Variants in LARGE1 observed in about 807,000 individuals in gnomAD.
LARGE1 encodes the protein xylosyl- and glucuronyltransferase LARGE1.
A neutral mutation model predicts 87.6 loss-of-function variants in LARGE1; 43 were observed. The ratio of observed to expected loss-of-function variants is 0.49; its 90% confidence interval spans 0.38 to 0.63. The LOEUF is 0.63. Among genes scored for constraint, LARGE1 ranks in the 30% least tolerant of loss-of-function variants. LARGE1 has a pLI of 0.00. For synonymous variants in LARGE1, 434 were observed against 394.6 expected (o/e 1.10, Z -1.18); for missense variants, 802 against 1,000.2 (o/e 0.80, Z 2.67).
the LARGE1 span, among the ~76,000 whole-genome samples, chr22:33,088,082 A>G: frequency 3.9e-5 from 6 of 152,162 alleles, no homozygotes; most frequent in African/African-American, 1.2e-4. Flanking sequence ...ACACACACAC[A>G]CACATCATTG....
At chr22:33,381,836 A>C in intron 9 of LARGE1, 83 bp downstream of exon 9, 1 of 1,561,152 alleles carries the variant, frequency 6.4e-7, no homozygotes, top group Non-Finnish European at 8.8e-7. Context: ...ATTGCACATA[A>C]ATCTCCCAGC....
chr22:33,781,243 A>G (rs999059453), intron 1 of LARGE1, among the ~76,000 whole-genome samples: 31 of 152,180 alleles, frequency 2.0e-4, no homozygotes, highest in Non-Finnish European at 1.5e-5. Flanking sequence ...TCACACCTGT[A>G]ATCCCAGCAC....
chr22:33,674,576 C>G (rs1437807161), intron 2 of LARGE1, among the ~76,000 whole-genome samples: 2 of 152,170 alleles, frequency 1.3e-5, no homozygotes, highest in African/African-American at 4.8e-5. Context: ...GCATGGCACT[C>G]CCACTCTCAG....
chr22:33,270,827 G>A (rs1928204422), downstream of LARGE1, among the ~76,000 whole-genome samples: 1 of 152,190 alleles, frequency 6.6e-6, no homozygotes, highest in Non-Finnish European at 1.5e-5. Context: ...GGGGCACAAA[G>A]AGGCTATTAG....
the LARGE1 span, among the ~76,000 whole-genome samples, chr22:33,084,567 T>C: frequency 2.0e-5 from 3 of 150,954 alleles, no homozygotes; most frequent in Non-Finnish European, 4.4e-5. Flanking sequence ...GGTGGGAGGA[T>C]TGCTTGAACC....
chr22:33,253,567 C>T (rs1410727502), intron 11 of LARGE1, among the ~76,000 whole-genome samples: 1 of 152,200 alleles, frequency 6.6e-6, no homozygotes, highest in Non-Finnish European at 1.5e-5. Flanking sequence ...CAAACATTAG[C>T]TGGGTGTGGT....
intron 6 of LARGE1, among the ~76,000 whole-genome samples, chr22:33,493,161 T>TC (rs1289051622): frequency 1.4e-5 from 2 of 145,898 alleles, no homozygotes; most frequent in African/African-American, 2.5e-5. Flanking sequence ...GGCCTTTTTT[T>TC]TTTTTTTTTT....
chr22:33,188,565 A>G (rs1923610068), intron 11 of LARGE1, among the ~76,000 whole-genome samples: 1 of 152,218 alleles, frequency 6.6e-6, no homozygotes, highest in Non-Finnish European at 1.5e-5. Context: ...TAAAGCAACA[A>G]CTAAGGTGGG....
intron 6 of LARGE1, among the ~76,000 whole-genome samples, chr22:33,448,098 G>C (rs933801174): frequency 6.6e-6 from 1 of 152,094 alleles, no homozygotes; most frequent in Admixed American, 6.6e-5. Context: ...ACAGGGAGAG[G>C]GGGGTGTGGA....
intron 7 of LARGE1, among the ~76,000 whole-genome samples, chr22:33,405,664 C>T (rs1488678663): frequency 6.6e-6 from 1 of 152,092 alleles, no homozygotes; most frequent in South Asian, 2.1e-4. Flanking sequence ...GACTTTGCTG[C>T]CGACAAATAG....
At chr22:33,251,700 A>T (rs73885023) in intron 11 of LARGE1, among the ~76,000 whole-genome samples, 2 of 152,194 alleles carry the variant, frequency 1.3e-5, no homozygotes, top group African/African-American at 4.8e-5. Flanking sequence ...TTCAAACCCC[A>T]TTGCAAACCT....
At position 33,263,621 on chromosome 22, in the gene LARGE1, C is replaced by T. The variant is rs574503687; in HGVS notation, c.1730+40608G>A. On this transcript the variant is annotated intron_variant, in intron 11 of 11. Coordinates refer to the LARGE1 transcript ENST00000608642. ...CAGAGGAGAACCACAGCATGGCTGACACCTGCATTCAGCAGCCTTGCAAGA... is the reference window on the plus strand; with the variant it reads ...CAGAGGAGAACCACAGCATGGCTGATACCTGCATTCAGCAGCCTTGCAAGA... 7.9e-5 allele frequency among the ~76,000 whole-genome samples: 12 copies of T among 152,354 alleles called. 1 individual carries two copies. The highest frequency in any genetic ancestry group is 2.9e-4 in the African/African-American group (12 of 41,588).
chr22:33,187,061 A>G (rs1923514591), intron 11 of LARGE1, among the ~76,000 whole-genome samples: 1 of 152,218 alleles, frequency 6.6e-6, no homozygotes, highest in African/African-American at 2.4e-5. Context: ...AAGTACAGCC[A>G]CTATGAGAAA....
intron 11 of LARGE1, among the ~76,000 whole-genome samples, chr22:33,177,293 TTAAAA>T (rs1922928017): frequency 6.6e-6 from 1 of 152,160 alleles, no homozygotes; most frequent in African/African-American, 2.4e-5. Flanking sequence ...ACCCCAGAAC[TTAAAA>T]TATAATAATA....
chr22:33,432,492 A>G (rs963117080), intron 6 of LARGE1, among the ~76,000 whole-genome samples: 12 of 152,324 alleles, frequency 7.9e-5, no homozygotes, highest in African/African-American at 2.9e-4. Context: ...TAGAGAAGAA[A>G]TAGAGGCCCA....
At chr22:33,601,300 T>C (rs765236614) in intron 5 of LARGE1, among the ~76,000 whole-genome samples, 1 of 151,992 alleles carries the variant, frequency 6.6e-6, no homozygotes, top group Non-Finnish European at 1.5e-5. Flanking sequence ...ATGGACTAGG[T>C]AGGTGTAGGG....
chr22:33,284,583 CT>C (rs112371598), intron 12 of LARGE1, among the ~76,000 whole-genome samples: 103 of 144,168 alleles, frequency 7.1e-4, no homozygotes, highest in South Asian at 1.3e-3. Flanking sequence ...TGGCATGAGG[CT>C]TTTTTTTTTT....
intron 3 of LARGE1, among the ~76,000 whole-genome samples, chr22:33,634,192 T>C (rs1280017640): frequency 6.6e-6 from 1 of 152,210 alleles, no homozygotes; most frequent in African/African-American, 2.4e-5. Flanking sequence ...GGACATAATC[T>C]TAAAGTGCTT....
chr22:33,672,291 C>A (rs967255626), intron 2 of LARGE1, among the ~76,000 whole-genome samples: 1 of 152,152 alleles, frequency 6.6e-6, no homozygotes, highest in Admixed American at 6.5e-5. Flanking sequence ...CTCAGAAAAA[C>A]CGAAAATTGC....
Sources: gnomAD v4.1 joint callset for allele counts (sites outside exome capture counted in the v4.1 genomes callset) on GRCh38, gnomAD v4.1.1 for gene constraint, MANE v1.5 for transcripts, NCBI Gene and HGNC (gene_info 2026-07-23, HGNC 2026-07-21) for gene names.